Variants in RAD51B observed in about 807,000 individuals in gnomAD.
The protein encoded by RAD51B is RAD51 paralog B.
In RAD51B, 38 loss-of-function variants were observed where a neutral mutation model predicts 42.2. That is an observed-to-expected ratio of 0.90 (90% CI 0.70 to 1.18). The LOEUF (loss-of-function observed/expected upper bound fraction) is 1.18. RAD51B is among the 50% of genes most tolerant of loss of function. The pLI is 0.00. For missense variants in RAD51B, 373 were observed against 400.7 expected, an observed-to-expected ratio of 0.93 and a Z score of 0.59; for synonymous variants, 154 against 145.2, an observed-to-expected ratio of 1.06 and a Z score of -0.43.
intron 7 of RAD51B, among the ~76,000 whole-genome samples, chr14:68,034,431 C>G (rs924113271): frequency 3.3e-5 from 5 of 151,982 alleles, no homozygotes; most frequent in Non-Finnish European, 5.9e-5. Flanking sequence ...GCCACCATGC[C>G]CAGTTAATTT....
intron 7 of RAD51B, among the ~76,000 whole-genome samples, chr14:68,154,511 G>T (rs1021492153): frequency 2.3e-4 from 35 of 152,144 alleles, no homozygotes; most frequent in African/African-American, 8.2e-4. Context: ...GTACTCTGAT[G>T]AATATTTGAG....
intron 7 of RAD51B, among the ~76,000 whole-genome samples, chr14:68,185,947 AC>A (rs2079149507): frequency 6.6e-6 from 1 of 152,132 alleles, no homozygotes; most frequent in Non-Finnish European, 1.5e-5. Context: ...GCATCACATT[AC>A]CCAACTGGAA....
intron 7 of RAD51B, among the ~76,000 whole-genome samples, chr14:67,976,193 T>C (rs1450034187): frequency 6.6e-6 from 1 of 151,844 alleles, no homozygotes; most frequent in African/African-American, 2.4e-5. Context: ...TATGGCTCAC[T>C]GCAGCCTGGA....
chr14:67,920,355 T>C (rs904333265), intron 7 of RAD51B, among the ~76,000 whole-genome samples: 1 of 152,224 alleles, frequency 6.6e-6, no homozygotes, highest in African/African-American at 2.4e-5. Context: ...CAAATTTTAC[T>C]GTTTAAAGAA....
intron 8 of RAD51B, among the ~76,000 whole-genome samples, chr14:68,381,885 C>T (rs35957816): frequency 0.037 from 5,690 of 152,246 alleles, 351 homozygotes; most frequent in African/African-American, 0.13. Context: ...CTCACAAGAC[C>T]TCTCCTGCAT....
chr14:68,411,469 G>T lies in RAD51B; in HGVS notation c.899G>T (p.Trp300Leu). 1 of 1,614,130 alleles carries T rather than the reference G, an allele frequency of 6.2e-7. No individual in the cohort carries two copies. The highest frequency in any genetic ancestry group is 8.5e-7 in the Non-Finnish European group (1 of 1,180,016). The change falls in exon 9 of 11, where the codon TGG becomes TTG. Residue 300 changes from tryptophan (W) to leucine (L), a missense_variant. Transcript: ENST00000471583. ...SCVIAALGNT[W>L]SHSVNTRLIL... is the part of the protein sequence containing the mutation. Reference sequence around the variant, plus strand: ...GTGATAGCCGCACTAGGAAATACCTGGAGTCACAGTGTGAATACCCGGCTG... The same window carrying T: ...GTGATAGCCGCACTAGGAAATACCTTGAGTCACAGTGTGAATACCCGGCTG...
intron 7 of RAD51B, among the ~76,000 whole-genome samples, chr14:68,120,027 G>A (rs1295502847): frequency 6.6e-6 from 1 of 152,164 alleles, no homozygotes; most frequent in Non-Finnish European, 1.5e-5. Flanking sequence ...GGTGTGAGCT[G>A]GTATCTCATT....
intron 11 of RAD51B, among the ~76,000 whole-genome samples, chr14:68,673,752 C>T (rs1236028957): frequency 2.0e-5 from 3 of 151,542 alleles, no homozygotes; most frequent in Admixed American, 6.6e-5. Flanking sequence ...ACTGTACACA[C>T]ATATATATAC....
At chr14:68,055,824 AG>A (rs1484564059) in intron 7 of RAD51B, among the ~76,000 whole-genome samples, 1 of 152,208 alleles carries the variant, frequency 6.6e-6, no homozygotes, top group East Asian at 1.9e-4. Context: ...CAGTGAGCAA[AG>A]AGACCTAGTG....
intron 4 of RAD51B, among the ~76,000 whole-genome samples, chr14:67,859,721 C>T (rs1469037913): frequency 6.6e-6 from 1 of 152,062 alleles, no homozygotes; most frequent in Non-Finnish European, 1.5e-5. Context: ...GTTTTCTTAA[C>T]AGCAAAAGAC....
intron 7 of RAD51B, among the ~76,000 whole-genome samples, chr14:68,067,458 C>A: frequency 7.7e-6 from 1 of 130,550 alleles, no homozygotes; most frequent in Non-Finnish European, 1.6e-5. Flanking sequence ...AGCAAGACTC[C>A]ATCTCGGAAA....
chr14:68,639,013 C>A (rs923928067), intron 10 of RAD51B, among the ~76,000 whole-genome samples: 3 of 151,958 alleles, frequency 2.0e-5, no homozygotes, highest in African/African-American at 7.3e-5. Flanking sequence ...AAAGGGGAGG[C>A]ACTGAAGAGT....
chr14:68,220,445 C>T (rs1039057217), intron 7 of RAD51B, among the ~76,000 whole-genome samples: 3 of 152,122 alleles, frequency 2.0e-5, no homozygotes, highest in African/African-American at 7.2e-5. Flanking sequence ...TCAGCAAAAT[C>T]GGCATAGAAG....
intron 8 of RAD51B, chr14:68,339,362 T>G: frequency 9.7e-7 from 1 of 1,029,282 alleles, no homozygotes; most frequent in Non-Finnish European, 1.5e-6. Flanking sequence ...AGTGGGGCCA[T>G]TTCACAAAGC....
chr14:68,594,448 C>A, intron 10 of RAD51B: 1 of 1,358,324 alleles, frequency 7.4e-7, no homozygotes, highest in African/African-American at 1.5e-5. Flanking sequence ...GCAAAAGGGC[C>A]TAGACTTTGA....
intron 11 of RAD51B, among the ~76,000 whole-genome samples, chr14:68,658,174 G>A (rs541448239): frequency 3.3e-5 from 5 of 152,364 alleles, no homozygotes; most frequent in East Asian, 3.9e-4. Flanking sequence ...GTGAGATGGG[G>A]TGGGGAGAGC....
intron 10 of RAD51B, among the ~76,000 whole-genome samples, chr14:68,470,940 T>C (rs537290723): frequency 2.6e-5 from 4 of 152,250 alleles, no homozygotes; most frequent in African/African-American, 9.6e-5. Flanking sequence ...TCAAAGCTAA[T>C]TTTTCCCCCT....
At chr14:68,247,452 T>C (rs1566757050) in intron 7 of RAD51B, among the ~76,000 whole-genome samples, 1 of 152,228 alleles carries the variant, frequency 6.6e-6, no homozygotes, top group Non-Finnish European at 1.5e-5. Flanking sequence ...TGCTTAAAGT[T>C]ACATAGCTAG....
chr14:68,275,013 G>A (rs1386933801), intron 7 of RAD51B, among the ~76,000 whole-genome samples: 1 of 152,162 alleles, frequency 6.6e-6, no homozygotes. Context: ...CAGTGGTTCG[G>A]GATAGTGGCA....
Sources: gnomAD v4.1 joint callset for allele counts (sites outside exome capture counted in the v4.1 genomes callset) on GRCh38, gnomAD v4.1.1 for gene constraint, MANE v1.5 for transcripts, NCBI Gene and HGNC (gene_info 2026-07-23, HGNC 2026-07-21) for gene names.